CCSER1: variants seen among roughly 807,000 people sequenced by gnomAD.
CCSER1 encodes the protein coiled-coil serine rich protein 1.
In CCSER1, 41 loss-of-function variants were observed where a neutral mutation model predicts 82.0. The ratio of observed to expected loss-of-function variants is 0.50; its 90% CI spans 0.39 to 0.65. CCSER1 has a LOEUF of 0.65. CCSER1 is among the 30% of genes least tolerant of loss of function. The probability of loss-of-function intolerance (pLI) is 0.00; values close to 1 mark genes in which losing one functional copy is unlikely to be tolerated. For synonymous variants in CCSER1, 414 were observed against 383.9 expected, an observed-to-expected ratio of 1.08 and a Z score of -0.92; for missense variants, 1,119 against 1,064.2, an observed-to-expected ratio of 1.05 and a Z score of -0.72.
At chr4:91,508,187 T>C (rs1759626279) in intron 10 of CCSER1, among the ~76,000 whole-genome samples, 1 of 139,524 alleles carries the variant, frequency 7.2e-6, no homozygotes, top group Admixed American at 7.2e-5. Context: ...TTTCCTGATC[T>C]TGGAAGAAGA....
chr4:91,247,534 C>T (rs1356908852), intron 10 of CCSER1, among the ~76,000 whole-genome samples: 23 of 152,106 alleles, frequency 1.5e-4, no homozygotes, highest in Admixed American at 1.5e-3. Context: ...CTAACAAGCA[C>T]ACTAGAGCTC....
At chr4:90,708,940 T>G (rs1739956268) in intron 6 of CCSER1, among the ~76,000 whole-genome samples, 1 of 152,304 alleles carries the variant, frequency 6.6e-6, no homozygotes, top group Admixed American at 6.5e-5. Flanking sequence ...GGGAAATTGA[T>G]AATATATGTG....
intron 10 of CCSER1, among the ~76,000 whole-genome samples, chr4:91,209,094 A>C (rs1736584748): frequency 6.6e-6 from 1 of 151,956 alleles, no homozygotes; most frequent in South Asian, 2.1e-4. Flanking sequence ...GTTGTTTATC[A>C]GCTCACGGAT....
intron 10 of CCSER1, among the ~76,000 whole-genome samples, chr4:91,264,576 G>T (rs144714796): frequency 1.3e-5 from 2 of 151,868 alleles, no homozygotes; most frequent in African/African-American, 4.8e-5. Flanking sequence ...AAACACTCTC[G>T]CACTACAATT....
chr4:90,319,667 A>T (rs1007253313), intron 3 of CCSER1, among the ~76,000 whole-genome samples: 15 of 152,164 alleles, frequency 9.9e-5, no homozygotes, highest in African/African-American at 3.6e-4. Flanking sequence ...AGCAAAGATG[A>T]TAATTAGAAG....
intron 5 of CCSER1, among the ~76,000 whole-genome samples, chr4:90,619,825 T>G (rs1721979607): frequency 6.6e-6 from 1 of 152,122 alleles, no homozygotes; most frequent in African/African-American, 2.4e-5. Flanking sequence ...TACTTTCATC[T>G]CTACATTCAT....
chr4:91,572,395 A>G (rs1330281971), intron 10 of CCSER1, among the ~76,000 whole-genome samples: 1 of 151,948 alleles, frequency 6.6e-6, no homozygotes, highest in African/African-American at 2.4e-5. Context: ...CCCAGTGAGG[A>G]GGAATGGGAT....
At chr4:91,037,263 T>TAC (rs367578501) in intron 9 of CCSER1, among the ~76,000 whole-genome samples, 10,353 of 141,040 alleles carry the variant, frequency 0.073, 543 homozygotes, top group African/African-American at 0.15. Context: ...CACACATACA[T>TAC]ACACACACAC....
At chr4:91,238,423 G>T (rs1049449227) in intron 10 of CCSER1, among the ~76,000 whole-genome samples, 2 of 152,086 alleles carry the variant, frequency 1.3e-5, no homozygotes, top group Non-Finnish European at 2.9e-5. Context: ...CTGATATTTT[G>T]ATTTCAGCTG....
At chr4:90,605,144 C>T (rs1390175867) in intron 5 of CCSER1, among the ~76,000 whole-genome samples, 2 of 152,114 alleles carry the variant, frequency 1.3e-5, no homozygotes, top group Non-Finnish European at 2.9e-5. Context: ...AGCTAGACCA[C>T]GAACCCCCCA....
At chr4:90,312,766 A>T (rs1020249648) in intron 2 of CCSER1, 97 bp from the exon 3 acceptor site, 3 of 935,410 alleles carry the variant, frequency 3.2e-6, no homozygotes, top group African/African-American at 1.7e-5. Flanking sequence ...AGAAACTTTG[A>T]ATAACACTAA....
chr4:91,253,644 A>C (rs1026554542), intron 10 of CCSER1, among the ~76,000 whole-genome samples: 6 of 152,218 alleles, frequency 3.9e-5, no homozygotes, highest in Non-Finnish European at 8.8e-5. Context: ...ATAAAAATTT[A>C]AACAAGATAT....
At chr4:90,893,736 T>C (rs1166973899) in intron 8 of CCSER1, among the ~76,000 whole-genome samples, 1 of 151,690 alleles carries the variant, frequency 6.6e-6, no homozygotes, top group East Asian at 1.9e-4. Flanking sequence ...GTTGGACATC[T>C]TGTTGAACAC....
At chr4:90,930,931 T>TATATAC (rs1729689020) in intron 9 of CCSER1, among the ~76,000 whole-genome samples, 1 of 136,792 alleles carries the variant, frequency 7.3e-6, no homozygotes, top group East Asian at 2.0e-4. Context: ...TATATATATA[T>TATATAC]ATATATATAC....
intron 9 of CCSER1, among the ~76,000 whole-genome samples, chr4:90,959,336 C>T (rs899387606): frequency 6.6e-6 from 1 of 152,110 alleles, no homozygotes; most frequent in Non-Finnish European, 1.5e-5. Context: ...TATTCTATTT[C>T]TTGGCCACCT....
intron 10 of CCSER1, among the ~76,000 whole-genome samples, chr4:91,386,105 GT>G (rs954913793): frequency 4.1e-5 from 6 of 147,468 alleles, no homozygotes; most frequent in South Asian, 4.3e-4. Context: ...CCTGAATCCT[GT>G]TTTTTTTTTA....
At chr4:91,256,655 G>A (rs967908238) in intron 10 of CCSER1, among the ~76,000 whole-genome samples, 1 of 152,054 alleles carries the variant, frequency 6.6e-6, no homozygotes, top group Non-Finnish European at 1.5e-5. Context: ...AAATATTAGG[G>A]GCTGGTTCCC....
At chr4:91,595,886 G>A (rs897769044) in intron 10 of CCSER1, among the ~76,000 whole-genome samples, 2 of 133,952 alleles carry the variant, frequency 1.5e-5, no homozygotes, top group African/African-American at 5.7e-5. Context: ...CCTGCACAAT[G>A]CAATCTCCTA....
At chr4:90,175,001 C>T (rs1732401511) in intron 1 of CCSER1, among the ~76,000 whole-genome samples, 1 of 151,952 alleles carries the variant, frequency 6.6e-6, no homozygotes, top group Non-Finnish European at 1.5e-5. Flanking sequence ...ATTCCAAACA[C>T]AGGTATTTAC....
Sources: gnomAD v4.1 joint callset for allele counts (sites outside exome capture counted in the v4.1 genomes callset) on GRCh38, gnomAD v4.1.1 for gene constraint, MANE v1.5 for transcripts, NCBI Gene and HGNC (gene_info 2026-07-23, HGNC 2026-07-21) for gene names.